The following B3GLCT variants were observed in gnomAD, a reference collection of about 807,000 sequenced individuals.
The protein encoded by B3GLCT is beta-1,3-glucosyltransferase.
Under a neutral mutation model 63.4 loss-of-function variants are expected in B3GLCT, and 65 were observed. The ratio of observed to expected loss-of-function variants is 1.03; its 90% confidence interval spans 0.84 to 1.26. The LOEUF (loss-of-function observed/expected upper bound fraction) is 1.26, where lower values mean the gene tolerates loss of function less well. Ranked by LOEUF, B3GLCT falls within the 50% of genes most tolerant of loss-of-function variation. B3GLCT has a pLI of 0.00. For missense variants in B3GLCT, 577 were observed against 604.8 expected (o/e 0.95, Z 0.48); for synonymous variants, 233 against 219.2 (o/e 1.06, Z -0.55).
chr13:31,261,925 G>GA (rs1195878391), intron 7 of B3GLCT, among the ~76,000 whole-genome samples: 2 of 152,280 alleles, frequency 1.3e-5, no homozygotes, highest in East Asian at 3.9e-4. Context: ...TTCCAGGGTA[G>GA]AATCCAAACA....
At chr13:31,209,456 A>C (rs1402075761) in intron 1 of B3GLCT, among the ~76,000 whole-genome samples, 1 of 152,174 alleles carries the variant, frequency 6.6e-6, no homozygotes, top group Non-Finnish European at 1.5e-5. Flanking sequence ...ATGCTTTGTA[A>C]GTAGGTCACA....
rs369251610 is a variant in B3GLCT at position 31,247,928 on chromosome 13, A to G, written c.421A>G (p.Lys141Glu). The G allele has an allele frequency of 8.1e-6, 13 of 1,609,218 alleles. No individual in the cohort carries two copies. Among genetic ancestry groups the G allele is most frequent in the Non-Finnish European group, 1.1e-5 (13 of 1,175,844 alleles). ...CEEETRIQIP[K>E]LLETLRRYDP... is the part of the protein sequence containing the mutation. The stretch of plus-strand genomic sequence containing the variant: ...AGAAGAGACAAGAATACAGATTCCA[A>G]AACTCTTGGAAACCCTCAGAAGATA... The change falls in exon 6 of 15, where the codon AAA becomes GAA. Residue 141 changes from lysine to glutamate, a missense_variant. By Grantham distance (56) the Lys-to-Glu change is moderately conservative (BLOSUM62 1). Coordinates refer to ENST00000343307, the MANE Select transcript of B3GLCT (RefSeq NM_194318.4).
intron 1 of B3GLCT, among the ~76,000 whole-genome samples, chr13:31,207,294 T>G (rs887908672): frequency 6.6e-6 from 1 of 152,048 alleles, no homozygotes; most frequent in African/African-American, 2.4e-5. Context: ...CTAATTTTTT[T>G]TTTTTGTTTG....
At position 31,229,726 on chromosome 13, in the gene B3GLCT, A is replaced by T. The variant is rs563690697; in HGVS notation, c.270+432A>T. Among the ~76,000 whole-genome samples, 257 of 151,658 alleles carry T rather than the reference A, an allele frequency of 1.7e-3. 2 individuals are homozygous for T. Among genetic ancestry groups the T allele is most frequent in the Non-Finnish European group, 1.8e-3 (122 of 67,916 alleles). The stretch of plus-strand genomic sequence containing the variant: ...ACACTACTGCACTCCAGCCTGGGTG[A>T]CAGAGTGGGACTCCTCTGTCTCAAA... On this transcript the variant is annotated intron_variant, in intron 4 of 14. Coordinates refer to ENST00000343307, the MANE Select transcript of B3GLCT (RefSeq NM_194318.4).
At chr13:31,312,361 ACACAG>A (rs2137925207) in intron 12 of B3GLCT, 1 of 152,360 alleles carries the variant, frequency 6.6e-6, no homozygotes, top group South Asian at 2.1e-4. Context: ...TGTAAGCCAA[ACACAG>A]TGTCAAATGA....
At chr13:31,283,986 A>G (rs1208506582) in intron 10 of B3GLCT, among the ~76,000 whole-genome samples, 2 of 152,236 alleles carry the variant, frequency 1.3e-5, no homozygotes, top group African/African-American at 4.8e-5. Flanking sequence ...TGGTAAGTCT[A>G]TATGTCAGGT....
At chr13:31,316,404 G>GA (rs1875012309) in intron 12 of B3GLCT, among the ~76,000 whole-genome samples, 1 of 41,710 alleles carries the variant, frequency 2.4e-5, no homozygotes, top group Admixed American at 3.0e-4. Flanking sequence ...GATTTTGGAG[G>GA]TTTTATATAT....
chr13:31,225,960 C>G (rs1299401994), intron 3 of B3GLCT, among the ~76,000 whole-genome samples: 3 of 152,166 alleles, frequency 2.0e-5, no homozygotes, highest in African/African-American at 7.2e-5. Context: ...ACCTACTGTA[C>G]CCCGCCGTGC....
Position 31,296,493 on chromosome 13 carries a change from G to A in B3GLCT, c.1064+9674G>A, listed in dbSNP as rs143241630. Reference sequence around the variant, plus strand: ...TCCCATTTATGAGGTCTCCACCCTCGTGATCTCTTCACCCTCCCAAAAGGT... The same window carrying A: ...TCCCATTTATGAGGTCTCCACCCTCATGATCTCTTCACCCTCCCAAAAGGT... On this transcript the variant is annotated intron_variant, in intron 12 of 14. Transcript: ENST00000343307. Among the ~76,000 whole-genome samples, 167 of 152,226 alleles carry A rather than the reference G, an allele frequency of 1.1e-3. 1 individual carries two copies. The highest frequency in any genetic ancestry group is 3.8e-3 in the African/African-American group (158 of 41,532).
intron 6 of B3GLCT, 138 bp downstream of exon 6, chr13:31,248,104 C>T (rs901248014): frequency 3.2e-6 from 2 of 623,260 alleles, no homozygotes; most frequent in Admixed American, 2.7e-5. Context: ...TGTTGAATAT[C>T]TGAGATATGT....
At chr13:31,232,404 G>A (rs1236916937) in intron 4 of B3GLCT, among the ~76,000 whole-genome samples, 1 of 131,858 alleles carries the variant, frequency 7.6e-6, no homozygotes, top group African/African-American at 2.6e-5. Flanking sequence ...ATCTTATGTG[G>A]CTGGAGCAGG....
intron 4 of B3GLCT, among the ~76,000 whole-genome samples, chr13:31,245,680 A>C (rs1871167226): frequency 6.6e-6 from 1 of 152,176 alleles, no homozygotes; most frequent in Admixed American, 6.5e-5. Context: ...TCACATTTGC[A>C]TTTACCCATA....
chr13:31,233,116 T>G (rs1415418404), intron 4 of B3GLCT, among the ~76,000 whole-genome samples: 1 of 152,232 alleles, frequency 6.6e-6, no homozygotes, highest in Admixed American at 6.5e-5. Flanking sequence ...GAATTGACTC[T>G]AAGAAATTTA....
chr13:31,286,578 G>A (rs1873341935), intron 11 of B3GLCT, 142 bp from the exon 12 acceptor site: 1 of 602,532 alleles, frequency 1.7e-6, no homozygotes, highest in Non-Finnish European at 3.0e-6. Context: ...ATTAGAGAAG[G>A]CTATTTTTAA....
chr13:31,231,169 G>A (rs997055156), intron 4 of B3GLCT, among the ~76,000 whole-genome samples: 11 of 152,026 alleles, frequency 7.2e-5, no homozygotes, highest in Admixed American at 2.0e-4. Context: ...GGGTGGCCAC[G>A]CGCAGGCTGC....
At chr13:31,268,797 C>A (rs568936186) in intron 7 of B3GLCT, among the ~76,000 whole-genome samples, 9 of 152,232 alleles carry the variant, frequency 5.9e-5, no homozygotes, top group African/African-American at 2.2e-4. Context: ...ACATGCTTTT[C>A]CCCCATAAAA....
Position 31,329,644 on chromosome 13 carries a change from G to A in B3GLCT, c.1473G>A (p.Gln491=). The A allele has an allele frequency of 6.2e-7, 1 of 1,614,198 alleles. No homozygotes were observed. Among genetic ancestry groups the A allele is most frequent in the Non-Finnish European group, 8.5e-7 (1 of 1,180,040 alleles). ...SDEDKARQET[Q]KGFREEL is the part of the protein sequence containing the mutation. ...AAGACAAAGCCAGGCAGGAGACACA[G>A]AAAGGTTTTCGAGAGGAGTTATAAA... Residue 491 remains glutamine, a synonymous_variant, in exon 15 of 15, where the codon CAG becomes CAA. Transcript: ENST00000343307.
intron 4 of B3GLCT, among the ~76,000 whole-genome samples, chr13:31,231,367 A>C (rs1465622653): frequency 6.6e-6 from 1 of 152,112 alleles, no homozygotes; most frequent in Non-Finnish European, 1.5e-5. Context: ...TCCCTATGTC[A>C]CCTGCATGTG....
At chr13:31,232,730 A>G (rs1335096171) in intron 4 of B3GLCT, among the ~76,000 whole-genome samples, 3 of 152,218 alleles carry the variant, frequency 2.0e-5, no homozygotes, top group Non-Finnish European at 4.4e-5. Context: ...CCGCCGTGCT[A>G]AGCTACTTCC....
Sources: gnomAD v4.1 joint callset for allele counts (sites outside exome capture counted in the v4.1 genomes callset) on GRCh38, gnomAD v4.1.1 for gene constraint, MANE v1.5 for transcripts, NCBI Gene and HGNC (gene_info 2026-07-23, HGNC 2026-07-21) for gene names.